The following ARAP2 variants were observed in gnomAD, a reference collection of about 807,000 sequenced individuals.
ARAP2 encodes ArfGAP with RhoGAP domain, ankyrin repeat and PH domain 2.
In ARAP2, 148 loss-of-function variants were observed where a neutral mutation model predicts 194.5. The observed-to-expected ratio is 0.76, with a 90% CI of 0.67 to 0.87. The LOEUF (loss-of-function observed/expected upper bound fraction) is 0.87. ARAP2 is among the 40% of genes least tolerant of loss of function. The pLI is 0.00. For synonymous variants in ARAP2, 695 were observed against 683.5 expected, an observed-to-expected ratio of 1.02 and a Z score of -0.26; for missense variants, 2,128 against 1,989.7, an observed-to-expected ratio of 1.07 and a Z score of -1.32.
In ARAP2 at chr4:36,114,219, T is replaced by C. The variant is rs554034470; in HGVS notation, c.4107A>G (p.Thr1369=). 8.7e-6 allele frequency: 14 copies of C among 1,604,254 alleles called. No homozygotes were observed. The highest frequency in any genetic ancestry group is 1.3e-5 in the African/African-American group (1 of 74,690). The part of the protein sequence containing the change: ...DILAIKNIIP[T]KGDIWATFEV... ...CAAATGTGGCCCAAATATCACCTTT[T>C]GTAGGAATAATATTTTTTATCGCTA... The change falls in exon 26 of 33, where the codon ACA becomes ACG. Residue 1369 remains threonine (T), a synonymous_variant. Coordinates refer to ENST00000303965, the MANE Select transcript of ARAP2 (RefSeq NM_015230.4).
intron 19 of ARAP2, among the ~76,000 whole-genome samples, chr4:36,141,470 C>T (rs1055731955): frequency 6.6e-6 from 1 of 151,536 alleles, no homozygotes; most frequent in African/African-American, 2.4e-5. Flanking sequence ...AATATTATTG[C>T]AATATTTTTC....
Position 36,147,540 on chromosome 4 carries a change from G to C in ARAP2, c.3199+8C>G. 1 of 1,600,640 alleles carries C rather than the reference G, an allele frequency of 6.2e-7. No individual in the cohort carries two copies. The highest frequency in any genetic ancestry group is 8.5e-7 in the Non-Finnish European group (1 of 1,175,794). On this transcript the variant is annotated splice_region_variant and intron_variant, in intron 18 of 32. Coordinates refer to ENST00000303965, the MANE Select transcript of ARAP2 (RefSeq NM_015230.4). ...GTTCCAAAGATAAGGGAAGAAAAAA[G>C]CTCTTACTTAGCTCTTGCAGTCTTC...
intron 10 of ARAP2, among the ~76,000 whole-genome samples, chr4:36,165,835 C>A (rs1735167890): frequency 6.6e-6 from 1 of 152,014 alleles, no homozygotes; most frequent in Non-Finnish European, 1.5e-5. Context: ...GGTCAATGAC[C>A]CACAAAACTG....
chr4:36,133,166 A>G, intron 20 of ARAP2, 60 bp downstream of exon 20: 2 of 1,562,898 alleles, frequency 1.3e-6, no homozygotes, highest in South Asian at 2.3e-5. Flanking sequence ...TACCACTTAA[A>G]AACCTGTAAG....
intron 32 of ARAP2, among the ~76,000 whole-genome samples, chr4:36,070,186 G>A (rs1455667086): frequency 1.3e-5 from 2 of 152,160 alleles, no homozygotes; most frequent in African/African-American, 4.8e-5. Context: ...CTTAAATGAA[G>A]GTGGGGAGAT....
At chr4:36,134,378 C>T (rs116373876) in intron 19 of ARAP2, among the ~76,000 whole-genome samples, 48 of 137,862 alleles carry the variant, frequency 3.5e-4, no homozygotes, top group African/African-American at 1.3e-3. Context: ...TACCCAACCA[C>T]TGCCACATGT....
intron 1 of ARAP2, among the ~76,000 whole-genome samples, chr4:36,240,395 G>C (rs947422582): frequency 7.9e-5 from 12 of 152,174 alleles, no homozygotes; most frequent in Admixed American, 3.3e-4. Context: ...TTTTATTAAT[G>C]TAGTAACGTA....
At chr4:36,160,783 A>G in intron 12 of ARAP2, 142 bp from the exon 13 acceptor site, 3 of 685,858 alleles carry the variant, frequency 4.4e-6, no homozygotes, top group African/African-American at 1.9e-5. Flanking sequence ...ACTATTCCAG[A>G]AAAAGGAAGT....
In ARAP2 at chr4:36,121,326, C is replaced by G. The variant is rs778503632; in HGVS notation, c.3747G>C (p.Arg1249Ser). 6.3e-7 allele frequency: 1 copy of G among 1,580,402 alleles called. No individual in the cohort carries two copies. The highest frequency in any genetic ancestry group is 1.4e-5 in the African/African-American group (1 of 73,292). Residue 1249 changes from arginine to serine, a missense_variant and splice_region_variant, in exon 23 of 33, where the codon AGG (arginine) becomes AGC (serine). Transcript: ENST00000303965. ...GATTGATTTCTGAGCATTTCTGAAC[C>G]CTGTCAGAGAAAAGCATAGTTTATT... ...TLAAIIEHLY[R>S]VQKCSEINHM...
At chr4:36,021,807 C>T (rs562968889) in intron 5 of ARAP2, among the ~76,000 whole-genome samples, 16 of 152,176 alleles carry the variant, frequency 1.1e-4, no homozygotes, top group African/African-American at 3.4e-4. Context: ...GGTGAGCATG[C>T]CAATGAGTTT....
At position 36,044,764 on chromosome 4, in the gene ARAP2, T is replaced by C. The variant is rs144440953; in HGVS notation, n.607+1215A>G. Among the ~76,000 whole-genome samples, 471 of 152,048 alleles carry C rather than the reference T, an allele frequency of 3.1e-3. 7 individuals carry two copies. Among genetic ancestry groups the C allele is most frequent in the Non-Finnish European group, 2.9e-3 (198 of 67,968 alleles). On this transcript the variant is annotated intron_variant and non_coding_transcript_variant, in intron 5 of 12. Transcript: ENST00000503225. ...CAATTAACAGGATGAAGAGACAATC[T>C]ATAGAACAGGGGAAAATATTTTCAA...
chr4:36,078,059 C>T (rs1209190613), intron 31 of ARAP2, among the ~76,000 whole-genome samples: 1 of 152,136 alleles, frequency 6.6e-6, no homozygotes, highest in Non-Finnish European at 1.5e-5. Flanking sequence ...CCTATTTTAT[C>T]ACATGGATAT....
chr4:36,105,520 A>G (rs769437291), intron 27 of ARAP2, among the ~76,000 whole-genome samples: 1 of 151,964 alleles, frequency 6.6e-6, no homozygotes, highest in Non-Finnish European at 1.5e-5. Flanking sequence ...AACTCCATCT[A>G]GAAGATGTAA....
intron 1 of ARAP2, chr4:36,243,735 A>C (rs76377074): frequency 6.6e-6 from 1 of 152,176 alleles, no homozygotes; most frequent in Non-Finnish European, 1.5e-5. Context: ...GGCAGGTGGA[A>C]GCCAAATGAT....
intron 2 of ARAP2, among the ~76,000 whole-genome samples, chr4:36,218,419 T>A (rs755102064): frequency 6.6e-6 from 1 of 151,942 alleles, no homozygotes; most frequent in African/African-American, 2.4e-5. Flanking sequence ...ACCCAGCACA[T>A]GTACCCTAAA....
chr4:36,142,496 T>A (rs1728582137), intron 19 of ARAP2, among the ~76,000 whole-genome samples: 1 of 151,448 alleles, frequency 6.6e-6, no homozygotes, highest in Admixed American at 6.6e-5. Context: ...CCATTCTTAA[T>A]CTGATCTAGT....
At chr4:36,026,905 TC>T (rs1216619188) in intron 5 of ARAP2, among the ~76,000 whole-genome samples, 12 of 152,236 alleles carry the variant, frequency 7.9e-5, no homozygotes, top group Admixed American at 3.3e-4. Flanking sequence ...AGTCAACTTT[TC>T]TTCTACCATT....
At chr4:36,086,966 G>A (rs1712040423) in intron 28 of ARAP2, among the ~76,000 whole-genome samples, 1 of 151,948 alleles carries the variant, frequency 6.6e-6, no homozygotes, top group South Asian at 2.1e-4. Flanking sequence ...TTTTTAATGA[G>A]CATTCATAAA....
intron 5 of ARAP2, among the ~76,000 whole-genome samples, chr4:36,022,324 T>C (rs150824409): frequency 0.011 from 1,653 of 151,998 alleles, 29 homozygotes; most frequent in African/African-American, 0.038. Context: ...TGTTATGAAG[T>C]GGAAGAAAAG....
Sources: gnomAD v4.1 joint callset for allele counts (sites outside exome capture counted in the v4.1 genomes callset) on GRCh38, gnomAD v4.1.1 for gene constraint, MANE v1.5 for transcripts, NCBI Gene and HGNC (gene_info 2026-07-23, HGNC 2026-07-21) for gene names.